Variants in PDE4D observed in about 807,000 individuals in gnomAD.
PDE4D encodes the protein phosphodiesterase 4D.
Under a neutral mutation model 87.4 loss-of-function variants are expected in PDE4D, and 24 were observed. That is an observed-to-expected ratio of 0.27 (90% CI 0.20 to 0.39). PDE4D has a LOEUF of 0.39. Among genes scored for constraint, PDE4D ranks in the 10% least tolerant of loss-of-function variants. The probability of loss-of-function intolerance (pLI) is 1.00; values close to 1 mark genes in which losing one functional copy is unlikely to be tolerated. For synonymous variants in PDE4D, 384 were observed against 383.2 expected, an observed-to-expected ratio of 1.00 and a Z score of -0.02; for missense variants, 714 against 1,041.0, an observed-to-expected ratio of 0.69 and a Z score of 4.32.
chr5:59,684,511 T>G (rs1348791514), intron 1 of PDE4D, among the ~76,000 whole-genome samples: 3 of 152,190 alleles, frequency 2.0e-5, no homozygotes. Flanking sequence ...CAGAGTAACC[T>G]TCATGAAGGA....
chr5:60,282,711 C>G (rs1752058935), intron 1 of PDE4D, among the ~76,000 whole-genome samples: 1 of 152,100 alleles, frequency 6.6e-6, no homozygotes, highest in Admixed American at 6.6e-5. Flanking sequence ...CAACTAAGTT[C>G]ATATTGACAG....
At chr5:59,285,450 A>G (rs563034320) in intron 1 of PDE4D, among the ~76,000 whole-genome samples, 50 of 152,170 alleles carry the variant, frequency 3.3e-4, no homozygotes, top group African/African-American at 1.2e-3. Context: ...ATAAGCCTCT[A>G]TCTCTAAAAG....
chr5:59,985,207 C>T (rs1248719328), intron 3 of PDE4D, among the ~76,000 whole-genome samples: 1 of 142,612 alleles, frequency 7.0e-6, no homozygotes, highest in Non-Finnish European at 1.5e-5. Flanking sequence ...GGCGTAATCT[C>T]GGCTCACTGC....
chr5:60,178,352 G>A (rs772127619), intron 2 of PDE4D, among the ~76,000 whole-genome samples: 2 of 152,042 alleles, frequency 1.3e-5, no homozygotes, highest in Non-Finnish European at 2.9e-5. Context: ...TCAAGGATAT[G>A]GTCTTCTTTG....
chr5:60,374,291 C>A (rs958815113), intron 1 of PDE4D, among the ~76,000 whole-genome samples: 4 of 151,948 alleles, frequency 2.6e-5, no homozygotes, highest in Non-Finnish European at 5.9e-5. Context: ...CTCTCTCCCC[C>A]CAAAAAAACA....
intron 1 of PDE4D, among the ~76,000 whole-genome samples, chr5:59,401,035 T>C (rs1304488980): frequency 6.6e-6 from 1 of 152,220 alleles, no homozygotes. Context: ...AGATAGTGAC[T>C]CCTTTGCTGA....
intron 1 of PDE4D, among the ~76,000 whole-genome samples, chr5:59,548,091 C>G (rs1447174177): frequency 6.6e-6 from 1 of 152,094 alleles, no homozygotes; most frequent in Non-Finnish European, 1.5e-5. Context: ...CATGAGAGGG[C>G]CTGCAGCAAT....
chr5:59,662,732 T>A (rs1745455352), intron 1 of PDE4D, among the ~76,000 whole-genome samples: 1 of 152,224 alleles, frequency 6.6e-6, no homozygotes, highest in Admixed American at 6.5e-5. Flanking sequence ...TCTCTTATAT[T>A]TTAATTTTAT....
intron 1 of PDE4D, among the ~76,000 whole-genome samples, chr5:59,245,316 A>G (rs1758632139): frequency 6.6e-6 from 1 of 152,170 alleles, no homozygotes; most frequent in Admixed American, 6.6e-5. Flanking sequence ...AAAGGAAAGT[A>G]GCACAGCTGT....
chr5:59,855,130 C>G (rs1439869882), intron 1 of PDE4D, among the ~76,000 whole-genome samples: 1 of 152,078 alleles, frequency 6.6e-6, no homozygotes, highest in Non-Finnish European at 1.5e-5. Context: ...TAACCAGCTC[C>G]CTGGCAATGC....
chr5:59,187,703 C>T lies in PDE4D; in HGVS notation c.685-2441G>A, dbSNP rs981215018. On this transcript the variant is annotated intron_variant, in intron 3 of 14. Transcript: ENST00000340635. Reference sequence around the variant, plus strand: ...AGTTGTTTTTGTACAAACACTGTTGCAATAAATAATCTTGTAGAGAAATTA... The same window carrying T: ...AGTTGTTTTTGTACAAACACTGTTGTAATAAATAATCTTGTAGAGAAATTA... Among the ~76,000 whole-genome samples the T allele has an allele frequency of 2.4e-4, 37 of 152,096 alleles. 2 individuals carry two copies. Among genetic ancestry groups the T allele is most frequent in the Non-Finnish European group, 5.9e-5 (4 of 68,028 alleles).
At chr5:59,029,145 G>T (rs1756799564) in intron 6 of PDE4D, among the ~76,000 whole-genome samples, 1 of 151,834 alleles carries the variant, frequency 6.6e-6, no homozygotes. Context: ...AGGCGTGGTG[G>T]CTCACTCCTG....
At chr5:59,839,591 C>T (rs1173606032) in intron 1 of PDE4D, among the ~76,000 whole-genome samples, 3 of 151,986 alleles carry the variant, frequency 2.0e-5, no homozygotes, top group African/African-American at 7.2e-5. Flanking sequence ...TTTAGGCTTT[C>T]CCAAGCTGCT....
intron 1 of PDE4D, among the ~76,000 whole-genome samples, chr5:59,326,742 A>G (rs906616280): frequency 6.6e-6 from 1 of 152,152 alleles, no homozygotes; most frequent in Non-Finnish European, 1.5e-5. Flanking sequence ...GAAAAAAAGC[A>G]TATTATTTCG....
chr5:59,937,520 A>G (rs7379657), intron 3 of PDE4D, among the ~76,000 whole-genome samples: 58,069 of 151,936 alleles, frequency 0.38, 11,310 homozygotes, highest in Admixed American at 0.44. Flanking sequence ...GTTCTGGTGA[A>G]GACTCTTTTC....
At chr5:59,988,827 T>C (rs1762711616) in intron 2 of PDE4D, 3 of 559,054 alleles carry the variant, frequency 5.4e-6, no homozygotes, top group African/African-American at 3.8e-5. Context: ...AATGTATACA[T>C]GAAAAATGCT....
At chr5:59,890,584 C>T (rs1750816700) in intron 1 of PDE4D, among the ~76,000 whole-genome samples, 1 of 152,170 alleles carries the variant, frequency 6.6e-6, no homozygotes, top group African/African-American at 2.4e-5. Flanking sequence ...CCTGTAGTAT[C>T]AGTCGATATA....
chr5:59,876,376 C>T (rs974928292), intron 1 of PDE4D, among the ~76,000 whole-genome samples: 3 of 152,120 alleles, frequency 2.0e-5, no homozygotes, highest in Non-Finnish European at 4.4e-5. Context: ...TGTTCACTAG[C>T]AAACTCTTCA....
intron 2 of PDE4D, among the ~76,000 whole-genome samples, chr5:60,091,278 AT>A (rs1409419924): frequency 6.6e-6 from 1 of 152,154 alleles, no homozygotes; most frequent in African/African-American, 2.4e-5. Flanking sequence ...CATCCAGAAT[AT>A]ACAAGGTAAA....
Sources: gnomAD v4.1 joint callset for allele counts (sites outside exome capture counted in the v4.1 genomes callset) on GRCh38, gnomAD v4.1.1 for gene constraint, MANE v1.5 for transcripts, NCBI Gene and HGNC (gene_info 2026-07-23, HGNC 2026-07-21) for gene names.